Variants in CD55 observed in about 807,000 individuals in gnomAD.
CD55 encodes the protein complement decay-accelerating factor.
Under a neutral mutation model 45.8 loss-of-function variants are expected in CD55, and 41 were observed. That is an observed-to-expected ratio of 0.90 (90% CI 0.70 to 1.16). CD55 has a LOEUF of 1.16. Among genes scored for constraint, CD55 ranks in the 50% most tolerant of loss-of-function variants. The pLI, the probability that CD55 is intolerant of heterozygous loss-of-function variation, is 0.00. For synonymous variants in CD55, 181 were observed against 181.1 expected (o/e 1.00, Z 0.01); for missense variants, 416 against 469.8 (o/e 0.89, Z 1.06).
rs747373539 is a variant in CD55 at position 207,331,161 on chromosome 1, C to T, written c.718C>T (p.Arg240Cys). 14 of 1,613,374 alleles carry T rather than the reference C, an allele frequency of 8.7e-6. No homozygotes were observed. The highest frequency in any genetic ancestry group is 3.3e-5 in the South Asian group (3 of 91,038). Residue 240 changes from arginine to cysteine, a missense_variant, in exon 6 of 10, where the codon CGT becomes TGT. Transcript: ENST00000367064. ...TGACAATGGAATAATTCAAGGGGAA[C>T]GTGACCATTATGGATATAGACAGTC... Reference protein sequence around the residue: ...QIDNGIIQGERDHYGYRQSVT... With the variant: ...QIDNGIIQGECDHYGYRQSVT...
In CD55 at chr1:207,322,429, G is replaced by T. The variant is rs773074921; in HGVS notation, c.148G>T (p.Glu50Ter). The T allele has an allele frequency of 6.2e-6, 10 of 1,614,226 alleles. No homozygotes were observed. In the South Asian group the frequency reaches 9.9e-5, roughly 16 times the overall value. The change falls in exon 2 of 10, where the codon GAA becomes TAA. Residue 50 changes from glutamate to a stop codon, truncating the protein, a stop_gained. Coordinates refer to ENST00000367064, the MANE Select transcript of CD55 (RefSeq NM_000574.5). LOFTEE classifies it high-confidence loss of function. ...PDVPNAQPAL[E>*]GRTSFPEDTV... ...TGTACCTAATGCCCAGCCAGCTTTG[G>T]AAGGCCGTACAAGTTTTCCCGAGGA...
intron 6 of CD55, among the ~76,000 whole-genome samples, chr1:207,334,485 AAC>A (rs1351523626): frequency 2.0e-5 from 3 of 152,178 alleles, no homozygotes; most frequent in African/African-American, 4.8e-5. Flanking sequence ...TGAGTTTACA[AAC>A]AGTGAATGTA....
At chr1:207,357,545 G>T (rs1015446150) in intron 9 of CD55, among the ~76,000 whole-genome samples, 1 of 148,798 alleles carries the variant, frequency 6.7e-6, no homozygotes, top group African/African-American at 2.5e-5. Context: ...TCCCTGGATC[G>T]GTGGGAATGG....
At chr1:207,337,655 T>G in intron 8 of CD55, 1 of 343,782 alleles carries the variant, frequency 2.9e-6, no homozygotes, top group East Asian at 4.6e-5. Context: ...TAAATTAAGA[T>G]TGGTAAAAAA....
At chr1:207,332,743 A>G (rs1336957687) in intron 6 of CD55, among the ~76,000 whole-genome samples, 1 of 152,218 alleles carries the variant, frequency 6.6e-6, no homozygotes, top group Admixed American at 6.5e-5. Flanking sequence ...TGATGCTTCC[A>G]TTAAAACGAC....
chr1:207,354,021 C>T, intron 9 of CD55: 1 of 1,535,256 alleles, frequency 6.5e-7, no homozygotes, highest in Non-Finnish European at 8.7e-7. Context: ...GCAAGTTAGA[C>T]CTTTTGAAGT....
At chr1:207,332,387 A>G (rs1654984554) in intron 6 of CD55, among the ~76,000 whole-genome samples, 3 of 152,204 alleles carry the variant, frequency 2.0e-5, no homozygotes, top group African/African-American at 7.2e-5. Context: ...TTTGTACAAT[A>G]AATTCCTTGT....
chr1:207,326,797 C>A lies in CD55; in HGVS notation c.624C>A (p.Gly208=), dbSNP rs1385376058. The change falls in exon 5 of 10, where the codon GGC becomes GGA. Residue 208 remains glycine, a synonymous_variant. Coordinates refer to ENST00000367064, the MANE Select transcript of CD55 (RefSeq NM_000574.5). ...CTTCTAGTTTTTGTCTTATTTCAGG[C>A]AGCTCTGTCCAGTGGAGTGACCCGT... is the stretch of plus-strand genomic sequence containing the variant. ...GSTSSFCLIS[G]SSVQWSDPLP... is the part of the protein sequence containing the mutation. 1 of 1,613,902 alleles carries A rather than the reference C, an allele frequency of 6.2e-7. No individual in the cohort carries two copies. The highest frequency in any genetic ancestry group is 1.3e-5 in the African/African-American group (1 of 75,018).
chr1:207,356,947 A>T (rs1157937034), intron 9 of CD55, among the ~76,000 whole-genome samples: 1 of 152,182 alleles, frequency 6.6e-6, no homozygotes, highest in African/African-American at 2.4e-5. Context: ...AGTTATTTCT[A>T]AGCTGCCCTA....
intron 5 of CD55, among the ~76,000 whole-genome samples, chr1:207,327,973 A>G (rs918749305): frequency 3.3e-5 from 5 of 152,210 alleles, no homozygotes; most frequent in Admixed American, 6.5e-5. Flanking sequence ...TAGTAAATTA[A>G]AGATAGAAAA....
chr1:207,340,526 C>A, intron 9 of CD55: 2 of 697,916 alleles, frequency 2.9e-6, no homozygotes, highest in Non-Finnish European at 5.2e-6. Flanking sequence ...CCACGACACC[C>A]GGCTAAGTTT....
intron 9 of CD55, chr1:207,358,732 T>C (rs1049442013): frequency 2.6e-5 from 4 of 152,222 alleles, no homozygotes; most frequent in African/African-American, 9.6e-5. Flanking sequence ...CTTAAGTCTC[T>C]GTCACTAGAG....
chr1:207,352,719 T>C (rs1248410992), intron 9 of CD55, among the ~76,000 whole-genome samples: 1 of 152,188 alleles, frequency 6.6e-6, no homozygotes, highest in Non-Finnish European at 1.5e-5. Flanking sequence ...TGAATAAATA[T>C]TAGCTTAAGG....
intron 4 of CD55, 146 bp from the exon 5 acceptor site, chr1:207,326,606 A>G: frequency 1.6e-6 from 1 of 623,842 alleles, no homozygotes; most frequent in Non-Finnish European, 2.8e-6. Flanking sequence ...CTTTTCCTTT[A>G]AACTACTGTG....
chr1:207,333,459 C>A (rs1271997659), intron 6 of CD55, among the ~76,000 whole-genome samples: 1 of 152,188 alleles, frequency 6.6e-6, no homozygotes, highest in African/African-American at 2.4e-5. Flanking sequence ...ATGATTACCT[C>A]AATGCAGTCT....
chr1:207,322,275 T>C, intron 1 of CD55, 107 bp from the exon 2 acceptor site: 1 of 922,800 alleles, frequency 1.1e-6, no homozygotes, highest in Non-Finnish European at 1.8e-6. Context: ...CAAACTTGCA[T>C]GTCATCTCTT....
At chr1:207,326,669 T>A in intron 4 of CD55, 83 bp from the exon 5 acceptor site, 1 of 990,578 alleles carries the variant, frequency 1.0e-6, no homozygotes. Flanking sequence ...AGTAAATATT[T>A]TAAGATAATA....
Position 207,360,537 on chromosome 1 carries a change from C to T in CD55, c.*927C>T, listed in dbSNP as rs1316877006. The T allele has an allele frequency of 6.6e-6, 1 of 152,100 alleles. No individual in the cohort carries two copies. The highest frequency in any genetic ancestry group is 1.5e-5 in the Non-Finnish European group (1 of 68,000). 9.4% of individuals were successfully genotyped at this position (152,100 alleles called of 1,614,324 possible). A position where few individuals can be genotyped will look rare whatever the true frequency, so the allele number is the denominator to read the frequency against. ...ATGTGAAATTTATTCTTAAACGTGA[C>T]TACTTTATTTCTAAATAAGAAATTC... On this transcript the variant is annotated 3_prime_UTR_variant, in exon 10 of 10. Transcript: ENST00000367064.
Position 207,340,038 on chromosome 1 carries a change from C to A in CD55, c.1081+621C>A, listed in dbSNP as rs528966791. 2.0e-5 allele frequency among the ~76,000 whole-genome samples: 3 copies of A among 152,258 alleles called. No homozygotes were observed. The South Asian group carries it at 6.2e-4, about 32-fold the overall frequency. On this transcript the variant is annotated intron_variant, in intron 9 of 9. Coordinates refer to ENST00000367064, the MANE Select transcript of CD55 (RefSeq NM_000574.5). Reference sequence around the variant, plus strand: ...TATTGCTAACTATACTCACCCTACTCTGCTATTGAATATTAGAATGTAATC... The same window carrying A: ...TATTGCTAACTATACTCACCCTACTATGCTATTGAATATTAGAATGTAATC...
Sources: gnomAD v4.1 joint callset for allele counts (sites outside exome capture counted in the v4.1 genomes callset) on GRCh38, gnomAD v4.1.1 for gene constraint, MANE v1.5 for transcripts, NCBI Gene and HGNC (gene_info 2026-07-23, HGNC 2026-07-21) for gene names.